RASGRP1: variants seen among roughly 807,000 people sequenced by gnomAD.
The protein encoded by RASGRP1 is RAS guanyl-releasing protein 1.
In RASGRP1, 37 loss-of-function variants were observed where a neutral mutation model predicts 95.1. The ratio of observed to expected loss-of-function variants is 0.39; its 90% CI spans 0.30 to 0.51. The LOEUF is 0.51. Among genes scored for constraint, RASGRP1 ranks in the 20% least tolerant of loss-of-function variants. The pLI, the probability that RASGRP1 is intolerant of heterozygous loss-of-function variation, is 0.80. For missense variants in RASGRP1, 711 were observed against 965.4 expected (o/e 0.74, Z 3.49); for synonymous variants, 325 against 353.4 (o/e 0.92, Z 0.90).
chr15:38,526,460 G>GGT, intron 2 of RASGRP1, 56 bp from the exon 3 acceptor site: 1 of 1,345,260 alleles, frequency 7.4e-7, no homozygotes, highest in Non-Finnish European at 1.1e-6. Context: ...CTAGTCACCT[G>GGT]GTAGACACCT....
chr15:38,550,883 A>G (rs928432687), intron 2 of RASGRP1, among the ~76,000 whole-genome samples: 1 of 152,170 alleles, frequency 6.6e-6, no homozygotes, highest in African/African-American at 2.4e-5. Flanking sequence ...TACGTTCTCT[A>G]TGGTGAACAT....
At chr15:38,527,483 T>C (rs893842704) in intron 2 of RASGRP1, among the ~76,000 whole-genome samples, 1 of 152,198 alleles carries the variant, frequency 6.6e-6, no homozygotes, top group Non-Finnish European at 1.5e-5. Context: ...TAATGACTCC[T>C]GAGTGTTGAT....
At chr15:38,563,333 C>T (rs1893889099) in intron 1 of RASGRP1, among the ~76,000 whole-genome samples, 1 of 151,954 alleles carries the variant, frequency 6.6e-6, no homozygotes, top group African/African-American at 2.4e-5. Context: ...ATGAAAAAAC[C>T]AAAACCCCGA....
At chr15:38,544,275 G>A (rs931186355) in intron 2 of RASGRP1, among the ~76,000 whole-genome samples, 2 of 152,144 alleles carry the variant, frequency 1.3e-5, no homozygotes, top group East Asian at 1.9e-4. Context: ...ATTAGGGGTC[G>A]TAGAGTCTCA....
chr15:38,536,550 A>G (rs140093515), intron 2 of RASGRP1, among the ~76,000 whole-genome samples: 6 of 152,338 alleles, frequency 3.9e-5, no homozygotes, highest in Admixed American at 3.9e-4. Flanking sequence ...ACAACAAAAT[A>G]ATATAAGGCC....
intron 2 of RASGRP1, among the ~76,000 whole-genome samples, chr15:38,542,852 T>C (rs1364815695): frequency 8.2e-6 from 1 of 121,906 alleles, no homozygotes; most frequent in East Asian, 5.8e-4. Flanking sequence ...TATATATGTG[T>C]ATATATATAC....
chr15:38,557,267 T>C (rs1893600101), intron 2 of RASGRP1, among the ~76,000 whole-genome samples: 2 of 152,282 alleles, frequency 1.3e-5, no homozygotes, highest in South Asian at 4.2e-4. Context: ...CCCAGCCCCA[T>C]AGATGGGTCA....
intron 2 of RASGRP1, among the ~76,000 whole-genome samples, chr15:38,537,847 G>T (rs748664481): frequency 2.6e-5 from 4 of 152,240 alleles, no homozygotes; most frequent in African/African-American, 4.8e-5. Context: ...GTGCTAGAGA[G>T]AAGTGAGCAG....
At chr15:38,508,023 TCA>T (rs1891333763) in intron 8 of RASGRP1, 22 bp from the exon 9 acceptor site, 3 of 1,586,306 alleles carry the variant, frequency 1.9e-6, no homozygotes, top group African/African-American at 2.7e-5. Context: ...AACAGACCAA[TCA>T]CAGGTACCCG....
At chr15:38,561,135 G>A (rs79326980) in intron 1 of RASGRP1, among the ~76,000 whole-genome samples, 11 of 152,262 alleles carry the variant, frequency 7.2e-5, no homozygotes, top group African/African-American at 1.4e-4. Context: ...GGAAAAAAAC[G>A]TACCTCTGAA....
At chr15:38,509,484 T>C (rs1156958907) in intron 8 of RASGRP1, among the ~76,000 whole-genome samples, 1 of 152,214 alleles carries the variant, frequency 6.6e-6, no homozygotes, top group Admixed American at 6.5e-5. Context: ...CCCAGCACTT[T>C]GGGAGACCGA....
intron 2 of RASGRP1, among the ~76,000 whole-genome samples, chr15:38,557,860 A>G (rs1332032518): frequency 6.6e-6 from 1 of 152,126 alleles, no homozygotes. Flanking sequence ...CATATTCCAG[A>G]ACACAATATA....
chr15:38,542,855 A>ATATATATACATATATGTG (rs1892937711), intron 2 of RASGRP1, among the ~76,000 whole-genome samples: 1 of 123,402 alleles, frequency 8.1e-6, no homozygotes, highest in African/African-American at 3.5e-5. Context: ...ATATGTGTAT[A>ATATATATACATATATGTG]TATATACACA....
chr15:38,531,566 T>A (rs1388091393), intron 2 of RASGRP1, among the ~76,000 whole-genome samples: 5 of 152,180 alleles, frequency 3.3e-5, no homozygotes, highest in Admixed American at 2.0e-4. Context: ...CACAATCATA[T>A]TCACACTTCA....
chr15:38,496,991 T>A (rs1890817077), intron 15 of RASGRP1, among the ~76,000 whole-genome samples: 1 of 152,232 alleles, frequency 6.6e-6, no homozygotes. Context: ...AGAGTAATGA[T>A]ATTAACATAT....
intron 13 of RASGRP1, among the ~76,000 whole-genome samples, chr15:38,500,348 GTT>G (rs201597634): frequency 6.6e-6 from 1 of 150,808 alleles, no homozygotes; most frequent in South Asian, 2.1e-4. Context: ...GGTTTTTTTT[GTT>G]TTGTTTTTTT....
intron 2 of RASGRP1, among the ~76,000 whole-genome samples, chr15:38,549,497 A>G (rs1893242400): frequency 6.6e-6 from 1 of 152,236 alleles, no homozygotes; most frequent in African/African-American, 2.4e-5. Context: ...AGATCAGTGA[A>G]GAGGAGACAG....
intron 16 of RASGRP1, among the ~76,000 whole-genome samples, chr15:38,491,330 A>G (rs1019509157): frequency 6.6e-6 from 1 of 152,172 alleles, no homozygotes; most frequent in African/African-American, 2.4e-5. Context: ...TTGTTTCTCA[A>G]TCTGAATTAT....
intron 2 of RASGRP1, among the ~76,000 whole-genome samples, chr15:38,558,539 C>T (rs1298408031): frequency 2.0e-5 from 3 of 152,160 alleles, no homozygotes; most frequent in Admixed American, 2.0e-4. Flanking sequence ...GATGCAACAG[C>T]ATGGCCTGGG....
Sources: allele counts gnomAD v4.1 joint callset (sites outside exome capture counted in the v4.1 genomes callset), GRCh38; gene constraint gnomAD v4.1.1; transcripts MANE v1.5; gene names NCBI Gene and HGNC (gene_info 2026-07-23, HGNC 2026-07-21).